KCNMB2: variants seen among roughly 807,000 people sequenced by gnomAD.
KCNMB2 encodes the protein potassium calcium-activated channel subfamily M regulatory beta subunit 2, also known as calcium-activated potassium channel subunit beta-2.
A neutral mutation model predicts 24.5 loss-of-function variants in KCNMB2; 9 were observed. The ratio of observed to expected loss-of-function variants is 0.37; its 90% CI spans 0.22 to 0.64. The LOEUF (loss-of-function observed/expected upper bound fraction) is 0.64. Ranked by LOEUF, KCNMB2 falls within the 30% of genes least tolerant of loss-of-function variation. The pLI is 0.63. For synonymous variants in KCNMB2, 109 were observed against 104.4 expected, an observed-to-expected ratio of 1.04 and a Z score of -0.27; for missense variants, 226 against 284.3, an observed-to-expected ratio of 0.79 and a Z score of 1.47.
intron 1 of KCNMB2, among the ~76,000 whole-genome samples, chr3:178,711,545 G>A (rs1399635485): frequency 6.6e-6 from 1 of 152,026 alleles, no homozygotes; most frequent in Non-Finnish European, 1.5e-5. Flanking sequence ...TAAGAACGCA[G>A]GATAAGAACC....
At chr3:178,828,886 C>T (rs1019706534) in intron 4 of KCNMB2, among the ~76,000 whole-genome samples, 1 of 151,174 alleles carries the variant, frequency 6.6e-6, no homozygotes, top group African/African-American at 2.4e-5. Context: ...TGAGCATGTA[C>T]AATGTTAAGC....
intron 4 of KCNMB2, among the ~76,000 whole-genome samples, chr3:178,835,829 G>A (rs1183628798): frequency 1.3e-5 from 2 of 151,986 alleles, no homozygotes; most frequent in Non-Finnish European, 2.9e-5. Context: ...TTTACTGAAA[G>A]GCTTTTTAGC....
chr3:178,544,132 G>A (rs1411423556), intron 1 of KCNMB2, among the ~76,000 whole-genome samples: 2 of 152,080 alleles, frequency 1.3e-5, no homozygotes, highest in South Asian at 2.1e-4. Flanking sequence ...ATTTCTTAGT[G>A]TCCAGTTTGA....
chr3:178,728,020 T>C (rs1405393791), intron 1 of KCNMB2, among the ~76,000 whole-genome samples: 1 of 152,230 alleles, frequency 6.6e-6, no homozygotes, highest in Non-Finnish European at 1.5e-5. Context: ...CAATAGACTG[T>C]GAGTGCCTTG....
chr3:178,810,551 G>A (rs1714145951), intron 2 of KCNMB2, among the ~76,000 whole-genome samples: 1 of 152,140 alleles, frequency 6.6e-6, no homozygotes, highest in South Asian at 2.1e-4. Context: ...AGAAGAAATG[G>A]AAGTCAGTTT....
chr3:178,683,550 A>G (rs7374387), intron 1 of KCNMB2, among the ~76,000 whole-genome samples: 38,365 of 152,070 alleles, frequency 0.25, 5,363 homozygotes, highest in African/African-American at 0.37. Flanking sequence ...TAGATATTTT[A>G]CATTCTTTTT....
At chr3:178,828,030 C>T (rs1221465225) in intron 3 of KCNMB2, 148 bp from the exon 4 acceptor site, 3 of 623,202 alleles carry the variant, frequency 4.8e-6, no homozygotes, top group South Asian at 4.8e-5. Flanking sequence ...CTGTTCTATT[C>T]GAAGGCCTAA....
At chr3:178,730,714 A>G (rs948862921) in intron 1 of KCNMB2, among the ~76,000 whole-genome samples, 2 of 152,088 alleles carry the variant, frequency 1.3e-5, no homozygotes, top group East Asian at 1.9e-4. Context: ...TCTAGCCACA[A>G]TGGCCTTCAT....
rs989573568 is a variant in KCNMB2, at chr3:178,607,828, T to C, written c.-68+71117T>C. On this transcript the variant is annotated intron_variant, in intron 1 of 4. Coordinates refer to ENST00000452583, the MANE Select transcript of KCNMB2 (RefSeq NM_181361.3). ...ATCTTGTTAATACAGTCATTTAAAATGAGATTTTCTTTATAGGTTTTAATG... is the reference window on the plus strand; with the variant it reads ...ATCTTGTTAATACAGTCATTTAAAACGAGATTTTCTTTATAGGTTTTAATG... Among the ~76,000 whole-genome samples, 8 of 152,192 alleles carry C rather than the reference T, an allele frequency of 5.3e-5. No homozygotes were observed. In the East Asian group the frequency reaches 1.3e-3, roughly 26 times the overall value.
At chr3:178,680,302 G>A (rs550839234) in intron 1 of KCNMB2, among the ~76,000 whole-genome samples, 2 of 152,268 alleles carry the variant, frequency 1.3e-5, no homozygotes, top group South Asian at 2.1e-4. Context: ...GGGAGGCCCA[G>A]AGGTCTCTTC....
intron 1 of KCNMB2, among the ~76,000 whole-genome samples, chr3:178,658,120 G>C (rs948107396): frequency 6.6e-6 from 1 of 152,172 alleles, no homozygotes; most frequent in African/African-American, 2.4e-5. Context: ...ATCCCATCCA[G>C]CTTAAATGCA....
intron 1 of KCNMB2, among the ~76,000 whole-genome samples, chr3:178,777,030 C>T (rs1462843937): frequency 6.6e-6 from 1 of 152,138 alleles, no homozygotes; most frequent in Non-Finnish European, 1.5e-5. Flanking sequence ...GCCCATAATA[C>T]TTTAAGAGAG....
chr3:178,695,389 C>G (rs1379818589), intron 1 of KCNMB2, among the ~76,000 whole-genome samples: 1 of 152,242 alleles, frequency 6.6e-6, no homozygotes, highest in East Asian at 1.9e-4. Flanking sequence ...TCTGGCTCCT[C>G]GCTACTTATG....
intron 1 of KCNMB2, among the ~76,000 whole-genome samples, chr3:178,701,089 G>A: frequency 6.6e-6 from 1 of 152,086 alleles, no homozygotes; most frequent in African/African-American, 2.4e-5. Flanking sequence ...TATGGTTTTA[G>A]GTCTAACATT....
At chr3:178,791,056 T>G (rs1446250905) in intron 1 of KCNMB2, among the ~76,000 whole-genome samples, 1 of 152,200 alleles carries the variant, frequency 6.6e-6, no homozygotes, top group Non-Finnish European at 1.5e-5. Flanking sequence ...AACTGTTCAA[T>G]GCCCAGACAT....
Position 178,717,559 on chromosome 3 carries a change from T to C in KCNMB2, c.-67-89784T>C, listed in dbSNP as rs943420393. ...AACTCTCCCAGAGAGAATTGGACAATTGAAGTTAAACACCCTTTCTGTTCA... is the reference window on the plus strand; with the variant it reads ...AACTCTCCCAGAGAGAATTGGACAACTGAAGTTAAACACCCTTTCTGTTCA... On this transcript the variant is annotated intron_variant, in intron 1 of 4. Transcript: ENST00000452583. 4.6e-5 allele frequency among the ~76,000 whole-genome samples: 7 copies of C among 152,110 alleles called. No homozygotes were observed. In the South Asian group the frequency reaches 1.0e-3, roughly 23 times the overall value.
chr3:178,777,036 G>A (rs142357062), intron 1 of KCNMB2, among the ~76,000 whole-genome samples: 105 of 152,284 alleles, frequency 6.9e-4, no homozygotes, highest in Middle Eastern at 3.4e-3. Flanking sequence ...AATACTTTAA[G>A]AGAGATATTA....
intron 1 of KCNMB2, among the ~76,000 whole-genome samples, chr3:178,770,887 T>G (rs1180937040): frequency 1.3e-5 from 2 of 152,124 alleles, no homozygotes; most frequent in Non-Finnish European, 2.9e-5. Flanking sequence ...AGAACTCAAG[T>G]CTTTTTGACT....
At chr3:178,578,941 C>T (rs1717096827) in intron 1 of KCNMB2, among the ~76,000 whole-genome samples, 1 of 152,068 alleles carries the variant, frequency 6.6e-6, no homozygotes, top group Non-Finnish European at 1.5e-5. Flanking sequence ...TTTAACACCC[C>T]ACCGTCAATA....
Sources: allele counts gnomAD v4.1 joint callset (sites outside exome capture counted in the v4.1 genomes callset), GRCh38; gene constraint gnomAD v4.1.1; transcripts MANE v1.5; gene names NCBI Gene and HGNC (gene_info 2026-07-23, HGNC 2026-07-21).